The following KIF9 variants were observed in gnomAD, a reference collection of about 807,000 sequenced individuals.
KIF9 encodes the protein kinesin-like protein KIF9.
KIF9 carries 68 observed loss-of-function variants against 94.8 expected under a neutral mutation model. That is an observed-to-expected ratio of 0.72 (90% CI 0.59 to 0.88). The LOEUF (loss-of-function observed/expected upper bound fraction) is 0.88, where lower values mean the gene tolerates loss of function less well. KIF9 is among the 40% of genes least tolerant of loss of function. The pLI is 0.00. For synonymous variants in KIF9, 343 were observed against 362.1 expected, an observed-to-expected ratio of 0.95 and a Z score of 0.60; for missense variants, 882 against 982.5, an observed-to-expected ratio of 0.90 and a Z score of 1.37.
intron 17 of KIF9, chr3:47,239,722 G>C (rs1699324164): frequency 1.6e-6 from 2 of 1,231,446 alleles, no homozygotes; most frequent in Admixed American, 2.8e-5. Context: ...CAAGATGCTA[G>C]GATTACAAGT....
chr3:47,248,319 T>C (rs1700057872), intron 10 of KIF9: 1 of 511,158 alleles, frequency 2.0e-6, no homozygotes, highest in East Asian at 3.5e-5. Context: ...TGGCCTTTGC[T>C]ACTGCCAGTA....
intron 8 of KIF9, 61 bp from the exon 9 acceptor site, chr3:47,264,411 T>C: frequency 7.5e-7 from 1 of 1,327,886 alleles, no homozygotes; most frequent in South Asian, 1.2e-5. Flanking sequence ...CCAAAGGAGT[T>C]GATGGGGTCT....
intron 4 of KIF9, 84 bp downstream of exon 4, chr3:47,273,468 T>A: frequency 9.6e-7 from 1 of 1,040,866 alleles, no homozygotes; most frequent in Non-Finnish European, 1.4e-6. Flanking sequence ...CCCCACTGTC[T>A]CTAGTAGCTG....
chr3:47,247,477 T>A lies in KIF9; in HGVS notation c.1129A>T (p.Thr377Ser). Residue 377 changes from threonine to serine, a missense_variant and splice_region_variant, in exon 12 of 21, where the codon ACC (threonine) becomes TCC (serine). Coordinates refer to ENST00000684063, the MANE Select transcript of KIF9 (RefSeq NM_182902.4). ...KQELAIHDSL[T>S]NRTFVTYDPM... is the part of the protein sequence containing the mutation. ...TCATAGGTCACAAAGGTGCGGTTGG[T>A]CTTGAAGGAGGATGAAGAACATGTG... The A allele has an allele frequency of 6.2e-7, 1 of 1,610,278 alleles. No individual in the cohort carries two copies. The highest frequency in any genetic ancestry group is 8.5e-7 in the Non-Finnish European group (1 of 1,176,668).
chr3:47,232,575 G>A (rs192822503), intron 20 of KIF9, among the ~76,000 whole-genome samples: 1 of 151,894 alleles, frequency 6.6e-6, no homozygotes, highest in Admixed American at 6.6e-5. Context: ...GTGAGCCACC[G>A]CGCCCAGCCC....
chr3:47,278,064 C>CAT (rs997938945), intron 1 of KIF9, among the ~76,000 whole-genome samples: 6 of 151,706 alleles, frequency 4.0e-5, no homozygotes, highest in Admixed American at 3.3e-4. Context: ...AGACATAGGA[C>CAT]ATATATACAT....
chr3:47,262,282 T>G (rs1559453942), intron 9 of KIF9, among the ~76,000 whole-genome samples: 1 of 151,482 alleles, frequency 6.6e-6, no homozygotes, highest in Admixed American at 6.6e-5. Context: ...TTGTTTTTTT[T>G]TTTTCTTTTC....
intron 15 of KIF9, 117 bp from the exon 16 acceptor site, chr3:47,243,362 CAT>C: frequency 1.3e-6 from 1 of 752,904 alleles, no homozygotes; most frequent in Non-Finnish European, 2.0e-6. Context: ...ATTCAGCTCC[CAT>C]CTTGTTCATA....
At chr3:47,276,825 G>A (rs1702003729) in intron 2 of KIF9, among the ~76,000 whole-genome samples, 1 of 152,142 alleles carries the variant, frequency 6.6e-6, no homozygotes, top group Non-Finnish European at 1.5e-5. Flanking sequence ...ACTGTCCTAA[G>A]CCTTCAGAAG....
At chr3:47,269,603 CTTTAT>C (rs924248911) in intron 5 of KIF9, among the ~76,000 whole-genome samples, 8 of 151,196 alleles carry the variant, frequency 5.3e-5, no homozygotes, top group African/African-American at 1.2e-4. Context: ...TTCTAAGAGC[CTTTAT>C]TTTATTTTTT....
chr3:47,238,601 A>G (rs1699221590), intron 17 of KIF9: 1 of 152,128 alleles, frequency 6.6e-6, no homozygotes, highest in South Asian at 2.1e-4. Flanking sequence ...AATCAGTGGA[A>G]AAACAACTAC....
intron 5 of KIF9, among the ~76,000 whole-genome samples, chr3:47,270,274 AAGG>A (rs1300807770): frequency 6.7e-6 from 1 of 148,572 alleles, no homozygotes; most frequent in Non-Finnish European, 1.5e-5. Context: ...TTTTTTTGAG[AAGG>A]AGTTTTGCTC....
intron 5 of KIF9, among the ~76,000 whole-genome samples, chr3:47,267,589 G>A (rs1446728852): frequency 1.3e-5 from 2 of 152,212 alleles, no homozygotes; most frequent in Non-Finnish European, 2.9e-5. Flanking sequence ...AATGATCTAT[G>A]TATACAGTGG....
chr3:47,242,358 A>G (rs575141181), intron 16 of KIF9, among the ~76,000 whole-genome samples: 56 of 152,318 alleles, frequency 3.7e-4, no homozygotes, highest in African/African-American at 9.4e-4. Flanking sequence ...AAATGCATCA[A>G]AAAAAGAACA....
rs1559410845 is a variant in KIF9, at chr3:47,228,701, T to C, written c.2324A>G (p.His775Arg). 4 of 1,613,582 alleles carry C rather than the reference T, an allele frequency of 2.5e-6. No individual in the cohort carries two copies. The highest frequency in any genetic ancestry group is 3.4e-6 in the Non-Finnish European group (4 of 1,179,634). ...GCCCATCATGGTTTTCAAGTAATTATGCTGGACACAGAGGGAAGAGAAAAC... is the reference window on the plus strand; with the variant it reads ...GCCCATCATGGTTTTCAAGTAATTACGCTGGACACAGAGGGAAGAGAAAAC... ...YNAKVKIEQK[H>R]NYLKTMMGLQ... Residue 775 changes from histidine (H) to arginine (R), a missense_variant and splice_region_variant, in exon 21 of 21, where the codon CAT becomes CGT. Coordinates refer to ENST00000684063, the MANE Select transcript of KIF9 (RefSeq NM_182902.4).
chr3:47,250,679 A>G (rs1232704081), intron 10 of KIF9: 17 of 341,908 alleles, frequency 5.0e-5, no homozygotes, highest in African/African-American at 2.9e-4. Context: ...TATACTCGAT[A>G]TACCATCTGA....
chr3:47,235,630 A>G lies in KIF9; in HGVS notation c.2218-13T>C, dbSNP rs1698964174. On this transcript the variant is annotated splice_polypyrimidine_tract_variant and intron_variant, in intron 19 of 20. Coordinates refer to ENST00000684063, the MANE Select transcript of KIF9 (RefSeq NM_182902.4). ...GGTCATCTTCTCCCTGGGGGAGGAC[A>G]GTCCCTTTAGCATGGTATTGTCAGG... 2 of 1,597,176 alleles carry G rather than the reference A, an allele frequency of 1.3e-6. No homozygotes were observed. Among genetic ancestry groups the G allele is most frequent in the Non-Finnish European group, 1.7e-6 (2 of 1,164,728 alleles).
At chr3:47,269,427 A>T (rs1439466618) in intron 5 of KIF9, among the ~76,000 whole-genome samples, 3 of 152,044 alleles carry the variant, frequency 2.0e-5, no homozygotes, top group Middle Eastern at 3.4e-3. Flanking sequence ...GACCACAGGC[A>T]TGCGCCCCCA....
Position 47,282,585 on chromosome 3 carries a change from G to C in KIF9, c.-96C>G, listed in dbSNP as rs930870821. 28 of 1,086,420 alleles carry C rather than the reference G, an allele frequency of 2.6e-5. No individual in the cohort carries two copies. Among genetic ancestry groups the C allele is most frequent in the Non-Finnish European group, 2.7e-5 (24 of 889,074 alleles). The allele number at this position is 1,086,420 out of a possible 1,614,324, so 67.3% of individuals were successfully genotyped here. On this transcript the variant is annotated 5_prime_UTR_variant, in exon 1 of 21. Transcript: ENST00000684063. ...GCGGGGCTGCCTGGCTGTGTACATAGTCGCCATGGCAACGGGTCGCTTCCG... is the reference window on the plus strand; with the variant it reads ...GCGGGGCTGCCTGGCTGTGTACATACTCGCCATGGCAACGGGTCGCTTCCG...
Sources: allele counts gnomAD v4.1 joint callset (sites outside exome capture counted in the v4.1 genomes callset), GRCh38; gene constraint gnomAD v4.1.1; transcripts MANE v1.5; gene names NCBI Gene and HGNC (gene_info 2026-07-23, HGNC 2026-07-21).